Variants in TMEM41B observed in about 807,000 individuals in gnomAD.
The protein encoded by TMEM41B is protein stasimon.
TMEM41B carries 18 observed loss-of-function variants against 31.9 expected under a neutral mutation model. The observed-to-expected ratio is 0.56, with a 90% CI of 0.39 to 0.84. The LOEUF (loss-of-function observed/expected upper bound fraction) is 0.84. Ranked by LOEUF, TMEM41B falls within the 40% of genes least tolerant of loss-of-function variation. The pLI, the probability that TMEM41B is intolerant of heterozygous loss-of-function variation, is 0.00. For missense variants in TMEM41B, 322 were observed against 348.0 expected (o/e 0.93, Z 0.59); for synonymous variants, 144 against 124.3 (o/e 1.16, Z -1.05).
At chr11:9,300,001 C>T (rs527392389) in intron 1 of TMEM41B, among the ~76,000 whole-genome samples, 6 of 152,124 alleles carry the variant, frequency 3.9e-5, no homozygotes, top group Non-Finnish European at 8.8e-5. Flanking sequence ...TGCCTGTAAT[C>T]CCAGCTATTC....
At chr11:9,299,102 G>A (rs1189938328) in intron 2 of TMEM41B, among the ~76,000 whole-genome samples, 1 of 151,504 alleles carries the variant, frequency 6.6e-6, no homozygotes, top group Non-Finnish European at 1.5e-5. Context: ...CCAACATGGT[G>A]AAACCCCGTC....
intron 3 of TMEM41B, among the ~76,000 whole-genome samples, chr11:9,292,408 T>C (rs1362993320): frequency 6.6e-6 from 1 of 152,176 alleles, no homozygotes; most frequent in East Asian, 1.9e-4. Flanking sequence ...TTATATACTA[T>C]GAAACATAAA....
At chr11:9,291,577 AT>A in intron 3 of TMEM41B, among the ~76,000 whole-genome samples, 1 of 149,318 alleles carries the variant, frequency 6.7e-6, no homozygotes, top group East Asian at 2.0e-4. Context: ...AATTTTTTTT[AT>A]TTTTAGTACA....
At chr11:9,291,957 C>T (rs950735116) in intron 3 of TMEM41B, among the ~76,000 whole-genome samples, 9 of 151,780 alleles carry the variant, frequency 5.9e-5, no homozygotes, top group African/African-American at 1.2e-4. Flanking sequence ...CCACCTGCCT[C>T]GGCCTCCCAA....
chr11:9,307,109 C>T (rs540208203), intron 1 of TMEM41B, among the ~76,000 whole-genome samples: 1 of 152,276 alleles, frequency 6.6e-6, no homozygotes, highest in African/African-American at 2.4e-5. Flanking sequence ...AATGTCCCTC[C>T]AGTAGCTCCA....
chr11:9,311,343 G>A lies in TMEM41B; in HGVS notation c.121+2978C>T, dbSNP rs545504950. On this transcript the variant is annotated intron_variant, in intron 1 of 6. Transcript: ENST00000528080. ...GCTATGCTTGTGCATCTTTTTATGAGCTTTCTTCATTTTCTTCTGTATCTT... is the reference window on the plus strand; with the variant it reads ...GCTATGCTTGTGCATCTTTTTATGAACTTTCTTCATTTTCTTCTGTATCTT... 297 of 1,508,412 alleles carry A rather than the reference G, an allele frequency of 2.0e-4. 1 individual carries two copies. Among genetic ancestry groups the A allele is most frequent in the Non-Finnish European group, 3.0e-5 (33 of 1,094,990 alleles). 93.4% of individuals were successfully genotyped at this position (1,508,412 alleles called of 1,614,324 possible). A position where few individuals can be genotyped will look rare whatever the true frequency, so the allele number is the denominator to read the frequency against.
At chr11:9,307,721 C>A (rs921640080) in intron 1 of TMEM41B, among the ~76,000 whole-genome samples, 11 of 152,184 alleles carry the variant, frequency 7.2e-5, no homozygotes, top group African/African-American at 2.6e-4. Flanking sequence ...GGATTACAGG[C>A]ATGAGCCACT....
At chr11:9,300,755 G>A (rs1026271674) in intron 1 of TMEM41B, among the ~76,000 whole-genome samples, 3 of 151,928 alleles carry the variant, frequency 2.0e-5, no homozygotes, top group Non-Finnish European at 4.4e-5. Context: ...GCAGGCGCCT[G>A]TAGTCCCAGC....
chr11:9,289,857 C>T (rs1277446594), intron 3 of TMEM41B, among the ~76,000 whole-genome samples: 1 of 152,030 alleles, frequency 6.6e-6, no homozygotes, highest in Non-Finnish European at 1.5e-5. Flanking sequence ...TTTCTCTTTG[C>T]CCTCAACTCT....
chr11:9,284,776 A>AAAAG (rs10638432), intron 6 of TMEM41B, among the ~76,000 whole-genome samples: 143,519 of 151,340 alleles, frequency 0.95, 68,495 homozygotes, highest in East Asian at 1. Flanking sequence ...AAGAGAAAAA[A>AAAAG]AAAGAAAGAA....
chr11:9,309,922 C>CAA (rs768075212), intron 1 of TMEM41B, among the ~76,000 whole-genome samples: 1 of 110,166 alleles, frequency 9.1e-6, no homozygotes, highest in African/African-American at 3.5e-5. Flanking sequence ...GACTCCATCT[C>CAA]AAAAAAAAAA....
chr11:9,285,610 TTAA>T (rs1473652623), intron 6 of TMEM41B, among the ~76,000 whole-genome samples: 1 of 152,132 alleles, frequency 6.6e-6, no homozygotes, highest in Non-Finnish European at 1.5e-5. Context: ...TGTCCACTGA[TTAA>T]TTTCAAAATC....
In TMEM41B at chr11:9,299,315, T is replaced by C. The variant is rs866619588; in HGVS notation, c.239+269A>G. 3.3e-4 allele frequency among the ~76,000 whole-genome samples: 5 copies of C among 15,270 alleles called. No individual in the cohort carries two copies. Among genetic ancestry groups the C allele is most frequent in the Admixed American group, 2.4e-3 (2 of 844 alleles). 10.0% of individuals were successfully genotyped at this position (15,270 alleles called of 152,430 possible). On this transcript the variant is annotated intron_variant, in intron 2 of 6. Coordinates refer to ENST00000528080, the MANE Select transcript of TMEM41B (RefSeq NM_015012.4). ...AAAAAAAAAAAAAAAAGAAAGTATATATACATACATACACACACACACACA... is the reference window on the plus strand; with the variant it reads ...AAAAAAAAAAAAAAAAGAAAGTATACATACATACATACACACACACACACA...
At chr11:9,294,073 C>A (rs796851921) in intron 3 of TMEM41B, among the ~76,000 whole-genome samples, 56 of 149,172 alleles carry the variant, frequency 3.8e-4, no homozygotes, top group African/African-American at 1.4e-3. Context: ...TCCAGCTACT[C>A]GGGAGGCTGA....
chr11:9,283,396 A>G lies in TMEM41B; in HGVS notation c.*28T>C. ...CTGTTAATCCTGAGATGGTGATGAC[A>G]GCAAAACTAAAAATCAGATGATTAT... On this transcript the variant is annotated 3_prime_UTR_variant, in exon 7 of 7. Coordinates refer to ENST00000528080, the MANE Select transcript of TMEM41B (RefSeq NM_015012.4). 2 of 1,582,248 alleles carry G rather than the reference A, an allele frequency of 1.3e-6. No individual in the cohort carries two copies. The highest frequency in any genetic ancestry group is 1.7e-6 in the Non-Finnish European group (2 of 1,161,578).
intron 2 of TMEM41B, among the ~76,000 whole-genome samples, chr11:9,297,201 C>T (rs1001182599): frequency 6.6e-6 from 1 of 152,182 alleles, no homozygotes; most frequent in Admixed American, 6.5e-5. Flanking sequence ...TCTCCTGCCT[C>T]GGCCTCCCAA....
chr11:9,290,399 T>G (rs941079941), intron 3 of TMEM41B, among the ~76,000 whole-genome samples: 2 of 151,932 alleles, frequency 1.3e-5, no homozygotes, highest in Non-Finnish European at 2.9e-5. Context: ...AAACAAAACA[T>G]CATATTATGG....
chr11:9,306,720 C>A (rs1853408165), intron 1 of TMEM41B, among the ~76,000 whole-genome samples: 1 of 151,884 alleles, frequency 6.6e-6, no homozygotes, highest in South Asian at 2.1e-4. Context: ...ACGCTCTTGG[C>A]CTACAAGACG....
intron 6 of TMEM41B, among the ~76,000 whole-genome samples, chr11:9,284,848 G>A (rs1342827115): frequency 6.6e-6 from 1 of 152,050 alleles, no homozygotes. Flanking sequence ...AGAGAGCAGT[G>A]TATACAAAAG....
Sources: gnomAD v4.1 joint callset for allele counts (sites outside exome capture counted in the v4.1 genomes callset) on GRCh38, gnomAD v4.1.1 for gene constraint, MANE v1.5 for transcripts, NCBI Gene and HGNC (gene_info 2026-07-23, HGNC 2026-07-21) for gene names.